The following RAB3B variants were observed in gnomAD, a reference collection of about 807,000 sequenced individuals.
RAB3B encodes the protein RAB3B, member RAS oncogene family.
A neutral mutation model predicts 20.5 loss-of-function variants in RAB3B; 11 were observed. The observed-to-expected ratio is 0.54, with a 90% CI of 0.34 to 0.89. The LOEUF is 0.89. RAB3B is among the 40% of genes least tolerant of loss of function. The pLI, the probability that RAB3B is intolerant of heterozygous loss-of-function variation, is 0.02. For synonymous variants in RAB3B, 99 were observed against 106.3 expected, an observed-to-expected ratio of 0.93 and a Z score of 0.42; for missense variants, 225 against 280.9, an observed-to-expected ratio of 0.80 and a Z score of 1.42.
At chr1:51,970,973 T>C (rs571503518) in intron 2 of RAB3B, among the ~76,000 whole-genome samples, 7 of 135,934 alleles carry the variant, frequency 5.1e-5, no homozygotes, top group Admixed American at 3.3e-4. Flanking sequence ...ATCGTGCCAC[T>C]GCACTCCAGC....
intron 4 of RAB3B, 107 bp from the exon 5 acceptor site, chr1:51,920,221 G>A (rs1684154205): frequency 5.0e-6 from 5 of 994,414 alleles, no homozygotes. Flanking sequence ...GTGCTCAGCA[G>A]TGAAGCAAAG....
chr1:51,949,845 G>A (rs895722920), intron 2 of RAB3B, among the ~76,000 whole-genome samples: 2 of 152,166 alleles, frequency 1.3e-5, no homozygotes, highest in African/African-American at 4.8e-5. Flanking sequence ...GAGGGCAGGG[G>A]GCCACAGTGC....
At chr1:51,931,283 C>T (rs926862283) in intron 4 of RAB3B, among the ~76,000 whole-genome samples, 10 of 152,108 alleles carry the variant, frequency 6.6e-5, no homozygotes, top group African/African-American at 2.4e-4. Context: ...ACTGGTCCTA[C>T]TTATCTTCAA....
chr1:51,974,939 C>T (rs1351212179), intron 2 of RAB3B, among the ~76,000 whole-genome samples: 2 of 152,222 alleles, frequency 1.3e-5, no homozygotes, highest in Non-Finnish European at 2.9e-5. Flanking sequence ...TTTGGCTGGG[C>T]GTGGTGGCTC....
chr1:51,965,644 C>T (rs553016939), intron 2 of RAB3B, among the ~76,000 whole-genome samples: 83 of 138,680 alleles, frequency 6.0e-4, no homozygotes, highest in Non-Finnish European at 1.1e-3. Context: ...AAGGCTCCAT[C>T]TCAAAAAAAA....
At chr1:51,936,072 G>A (rs1175760352) in intron 3 of RAB3B, among the ~76,000 whole-genome samples, 1 of 152,114 alleles carries the variant, frequency 6.6e-6, no homozygotes, top group Non-Finnish European at 1.5e-5. Flanking sequence ...CGAAGTCCTC[G>A]AAGGTCACCA....
chr1:51,927,166 A>G (rs1684256053), intron 4 of RAB3B, among the ~76,000 whole-genome samples: 1 of 152,192 alleles, frequency 6.6e-6, no homozygotes, highest in Non-Finnish European at 1.5e-5. Flanking sequence ...ACACACACAC[A>G]CACACAGATT....
chr1:51,940,887 G>A (rs922049007), intron 2 of RAB3B, among the ~76,000 whole-genome samples: 1 of 151,970 alleles, frequency 6.6e-6, no homozygotes, highest in African/African-American at 2.4e-5. Context: ...TACCAGAGGG[G>A]AAAAAAGTAT....
intron 2 of RAB3B, among the ~76,000 whole-genome samples, chr1:51,950,124 T>C (rs139673205): frequency 2.6e-5 from 4 of 152,234 alleles, no homozygotes; most frequent in African/African-American, 9.6e-5. Context: ...CAACATTTAA[T>C]TGGTTAAAAA....
intron 2 of RAB3B, among the ~76,000 whole-genome samples, chr1:51,951,481 C>T (rs1461259488): frequency 6.6e-6 from 1 of 152,142 alleles, no homozygotes; most frequent in Non-Finnish European, 1.5e-5. Flanking sequence ...ACATCCAGTG[C>T]TCTTTCTAGC....
chr1:51,947,264 C>T (rs1684577955), intron 2 of RAB3B, among the ~76,000 whole-genome samples: 1 of 152,048 alleles, frequency 6.6e-6, no homozygotes, highest in Non-Finnish European at 1.5e-5. Flanking sequence ...GGCATGGTGG[C>T]ATGCTCCTGT....
intron 2 of RAB3B, among the ~76,000 whole-genome samples, chr1:51,954,711 G>A (rs1684683676): frequency 6.6e-6 from 1 of 152,124 alleles, no homozygotes; most frequent in African/African-American, 2.4e-5. Flanking sequence ...CACAGCATCT[G>A]GGGAGAAAGC....
In RAB3B at chr1:51,976,914, C is replaced by T. The variant is rs1484202363; in HGVS notation, c.204G>A (p.Glu68=). ...DFKVKTVYRH[E]KRVKLQIWDT... is the part of the protein sequence containing the mutation. ...CCCAGATCTGCAGTTTCACCCGCTT[C>T]TCGTGACGGTAGACTGTCTTCACCT... The change falls in exon 2 of 5, where the codon GAG becomes GAA. Residue 68 remains glutamate, a synonymous_variant. Coordinates refer to ENST00000371655, the MANE Select transcript of RAB3B (RefSeq NM_002867.4). 3 of 1,614,192 alleles carry T rather than the reference C, an allele frequency of 1.9e-6. No homozygotes were observed. In the East Asian group the frequency reaches 6.7e-5, roughly 36 times the overall value.
At chr1:51,980,501 A>G (rs2124316177) in intron 1 of RAB3B, 1 of 721,420 alleles carries the variant, frequency 1.4e-6, no homozygotes, top group Admixed American at 1.8e-5. Context: ...AACAATGGTC[A>G]TGCCAAAAAG....
chr1:51,954,709 C>G (rs1557970895), intron 2 of RAB3B, among the ~76,000 whole-genome samples: 1 of 152,174 alleles, frequency 6.6e-6, no homozygotes, highest in Non-Finnish European at 1.5e-5. Context: ...AGCACAGCAT[C>G]TGGGGAGAAA....
At chr1:51,938,844 A>G (rs1308931587) in intron 2 of RAB3B, among the ~76,000 whole-genome samples, 1 of 151,800 alleles carries the variant, frequency 6.6e-6, no homozygotes, top group African/African-American at 2.4e-5. Flanking sequence ...TATTTTTAGT[A>G]CAGATGACGT....
At chr1:51,985,440 A>G (rs894211390) in intron 1 of RAB3B, among the ~76,000 whole-genome samples, 1 of 152,184 alleles carries the variant, frequency 6.6e-6, no homozygotes, top group African/African-American at 2.4e-5. Flanking sequence ...ATGTCAGATT[A>G]CTGGTTTTCA....
chr1:51,956,889 T>G (rs1399203003), intron 2 of RAB3B, among the ~76,000 whole-genome samples: 2 of 152,176 alleles, frequency 1.3e-5, no homozygotes, highest in Non-Finnish European at 2.9e-5. Flanking sequence ...ATTAAACACC[T>G]TGCCTGAAGC....
Position 51,917,127 on chromosome 1 carries a change from A to C in RAB3B, c.*2800T>G, listed in dbSNP as rs1450147882. ...TTTGTACCTTTGTTTCCTCATCTTC[A>C]AATGAGGCTCACTATAGTGCCTCCC... On this transcript the variant is annotated 3_prime_UTR_variant, in exon 5 of 5. Transcript: ENST00000371655. 6.6e-6 allele frequency: 1 copy of C among 152,228 alleles called. No individual in the cohort carries two copies. The highest frequency in any genetic ancestry group is 1.5e-5 in the Non-Finnish European group (1 of 68,048). 9.4% of individuals were successfully genotyped at this position (152,228 alleles called of 1,614,324 possible).
Sources: gnomAD v4.1 joint callset for allele counts (sites outside exome capture counted in the v4.1 genomes callset) on GRCh38, gnomAD v4.1.1 for gene constraint, MANE v1.5 for transcripts, NCBI Gene and HGNC (gene_info 2026-07-23, HGNC 2026-07-21) for gene names.